CCSER1: variants seen among roughly 807,000 people sequenced by gnomAD.
CCSER1 encodes the protein coiled-coil serine rich protein 1.
CCSER1 carries 41 observed loss-of-function variants against 82.0 expected under a neutral mutation model. The observed-to-expected ratio is 0.50, with a 90% CI of 0.39 to 0.65. The LOEUF is 0.65. Ranked by LOEUF, CCSER1 falls within the 30% of genes least tolerant of loss-of-function variation. The pLI is 0.00. For missense variants in CCSER1, 1,119 were observed against 1,064.2 expected (o/e 1.05, Z -0.72); for synonymous variants, 414 against 383.9 (o/e 1.08, Z -0.92).
At chr4:91,511,431 G>A (rs1163517783) in intron 10 of CCSER1, among the ~76,000 whole-genome samples, 1 of 152,120 alleles carries the variant, frequency 6.6e-6, no homozygotes, top group African/African-American at 2.4e-5. Context: ...CCATTTTAAT[G>A]ACAATGCTTC....
rs1723657821 is a variant in CCSER1 at position 90,628,072 on chromosome 4, G to A, written c.1772G>A (p.Cys591Tyr). 1 of 1,613,498 alleles carries A rather than the reference G, an allele frequency of 6.2e-7. No homozygotes were observed. The highest frequency in any genetic ancestry group is 1.7e-5 in the Admixed American group (1 of 59,992). ...AAGGACGTTGATCAAGAAGCCAGGT[G>A]TTCCCACATCAGCCGAATGCCCAAC... ...LTKDVDQEAR[C>Y]SHISRMPNSP... Residue 591 changes from cysteine to tyrosine, a missense_variant, in exon 6 of 11, where the codon TGT becomes TAT. Coordinates refer to ENST00000509176, the MANE Select transcript of CCSER1 (RefSeq NM_001145065.2).
At chr4:90,461,211 G>T (rs1336864144) in intron 4 of CCSER1, among the ~76,000 whole-genome samples, 1 of 137,382 alleles carries the variant, frequency 7.3e-6, no homozygotes, top group Admixed American at 6.9e-5. Flanking sequence ...GACTACAGGC[G>T]CCCGCCACTA....
At chr4:91,099,105 C>T (rs1724803916) in intron 10 of CCSER1, among the ~76,000 whole-genome samples, 1 of 152,064 alleles carries the variant, frequency 6.6e-6, no homozygotes, top group Non-Finnish European at 1.5e-5. Context: ...AATTTTTGTG[C>T]AAAACTTGCT....
intron 6 of CCSER1, among the ~76,000 whole-genome samples, chr4:90,698,265 A>G (rs1472866053): frequency 6.6e-6 from 1 of 152,210 alleles, no homozygotes; most frequent in Non-Finnish European, 1.5e-5. Flanking sequence ...CCTACAGAGT[A>G]AGGAATGTAG....
intron 9 of CCSER1, among the ~76,000 whole-genome samples, chr4:91,035,152 T>C (rs1741324828): frequency 2.6e-5 from 4 of 152,158 alleles, no homozygotes; most frequent in African/African-American, 9.7e-5. Flanking sequence ...AGAATTTCAA[T>C]TAATATACTT....
chr4:91,225,273 C>T (rs1408579277), intron 10 of CCSER1, among the ~76,000 whole-genome samples: 1 of 121,544 alleles, frequency 8.2e-6, no homozygotes, highest in Admixed American at 9.1e-5. Context: ...TAATTATATA[C>T]ATTTTATATA....
chr4:90,398,403 A>G (rs1405818582), intron 3 of CCSER1, among the ~76,000 whole-genome samples: 1 of 152,220 alleles, frequency 6.6e-6, no homozygotes, highest in Non-Finnish European at 1.5e-5. Context: ...AATTGGATAA[A>G]TTAGTATCCT....
At chr4:90,199,729 T>G (rs1277840787) in intron 1 of CCSER1, among the ~76,000 whole-genome samples, 1 of 152,132 alleles carries the variant, frequency 6.6e-6, no homozygotes, top group Non-Finnish European at 1.5e-5. Context: ...ACTTATAAAA[T>G]TAGTGGGTTT....
chr4:90,846,710 G>A (rs9998288), intron 8 of CCSER1, among the ~76,000 whole-genome samples: 41,550 of 150,334 alleles, frequency 0.28, 5,820 homozygotes, highest in Non-Finnish European at 0.31. Context: ...TAACCAACCC[G>A]TCTTCATCTC....
chr4:91,450,249 A>G (rs1460926744), intron 10 of CCSER1, among the ~76,000 whole-genome samples: 1 of 152,080 alleles, frequency 6.6e-6, no homozygotes, highest in East Asian at 1.9e-4. Context: ...TGAATTTCTT[A>G]GAAAGCATTG....
intron 10 of CCSER1, among the ~76,000 whole-genome samples, chr4:91,283,132 A>G (rs1743042936): frequency 6.6e-6 from 1 of 152,068 alleles, no homozygotes; most frequent in Non-Finnish European, 1.5e-5. Flanking sequence ...TCTGTGACAG[A>G]GGTCATTGCT....
At chr4:90,700,820 A>T (rs898806887) in intron 6 of CCSER1, among the ~76,000 whole-genome samples, 5 of 151,938 alleles carry the variant, frequency 3.3e-5, no homozygotes, top group African/African-American at 1.2e-4. Flanking sequence ...TCCTTGCCCA[A>T]TTTTTGATGG....
intron 1 of CCSER1, among the ~76,000 whole-genome samples, chr4:90,250,971 T>C (rs1424914670): frequency 6.6e-6 from 1 of 152,028 alleles, no homozygotes; most frequent in Non-Finnish European, 1.5e-5. Context: ...ACTATTTTCT[T>C]AACTCATTTT....
At chr4:90,954,755 G>T (rs761997645) in intron 9 of CCSER1, among the ~76,000 whole-genome samples, 1 of 150,820 alleles carries the variant, frequency 6.6e-6, no homozygotes, top group African/African-American at 2.4e-5. Context: ...TTTGAAATTC[G>T]TTTTTATGTG....
intron 10 of CCSER1, among the ~76,000 whole-genome samples, chr4:91,129,251 T>C (rs1217011717): frequency 6.6e-6 from 1 of 151,962 alleles, no homozygotes; most frequent in Non-Finnish European, 1.5e-5. Context: ...TTAAAAATAA[T>C]AAGTAAATAA....
intron 9 of CCSER1, among the ~76,000 whole-genome samples, chr4:91,049,681 C>T (rs1468392705): frequency 1.3e-5 from 2 of 152,162 alleles, no homozygotes; most frequent in Non-Finnish European, 2.9e-5. Context: ...AATCACATCT[C>T]TGCACAAATG....
intron 5 of CCSER1, among the ~76,000 whole-genome samples, chr4:90,490,521 G>T (rs1036996353): frequency 3.3e-5 from 5 of 152,138 alleles, no homozygotes; most frequent in Non-Finnish European, 5.9e-5. Context: ...AAGCTCTTTA[G>T]TTTAATTAGA....
chr4:90,674,512 T>G (rs1412169368), intron 6 of CCSER1, among the ~76,000 whole-genome samples: 1 of 151,962 alleles, frequency 6.6e-6, no homozygotes, highest in East Asian at 1.9e-4. Context: ...GTCATTCGGC[T>G]TTTCTAATGG....
intron 6 of CCSER1, among the ~76,000 whole-genome samples, chr4:90,658,948 G>A (rs1730229289): frequency 6.6e-6 from 1 of 152,100 alleles, no homozygotes; most frequent in African/African-American, 2.4e-5. Flanking sequence ...CTCAGTGTAT[G>A]TACTGTATAC....
Sources: allele counts gnomAD v4.1 joint callset (sites outside exome capture counted in the v4.1 genomes callset), GRCh38; gene constraint gnomAD v4.1.1; transcripts MANE v1.5; gene names NCBI Gene and HGNC (gene_info 2026-07-23, HGNC 2026-07-21).